Variants in MSRB3 observed in about 807,000 individuals in gnomAD.
MSRB3 encodes the protein methionine sulfoxide reductase B3, also known as methionine-R-sulfoxide reductase B3.
MSRB3 carries 13 observed loss-of-function variants against 21.0 expected under a neutral mutation model. The ratio of observed to expected loss-of-function variants is 0.62; its 90% CI spans 0.40 to 0.98. The LOEUF (loss-of-function observed/expected upper bound fraction) is 0.98, where lower values mean the gene tolerates loss of function less well. Ranked by LOEUF, MSRB3 falls within the 50% of genes least tolerant of loss-of-function variation. MSRB3 has a pLI of 0.00. For synonymous variants in MSRB3, 87 were observed against 88.6 expected, an observed-to-expected ratio of 0.98 and a Z score of 0.10; for missense variants, 199 against 230.3, an observed-to-expected ratio of 0.86 and a Z score of 0.88.
At chr12:65,318,252 G>A (rs1592519193) in intron 2 of MSRB3, among the ~76,000 whole-genome samples, 1 of 152,202 alleles carries the variant, frequency 6.6e-6, no homozygotes. Context: ...TTGGAAATTT[G>A]CAAAGCTGAG....
chr12:65,425,746 C>G (rs1473188738), intron 5 of MSRB3, among the ~76,000 whole-genome samples: 1 of 151,880 alleles, frequency 6.6e-6, no homozygotes, highest in African/African-American at 2.4e-5. Flanking sequence ...ATAGTTTTGT[C>G]TTTTAACTTT....
chr12:65,446,501 T>C (rs1035605470), intron 5 of MSRB3, among the ~76,000 whole-genome samples: 3 of 152,128 alleles, frequency 2.0e-5, no homozygotes, highest in Non-Finnish European at 2.9e-5. Flanking sequence ...AAATATTAGA[T>C]GAAGAGACTA....
intron 6 of MSRB3, among the ~76,000 whole-genome samples, chr12:65,454,470 G>A (rs1426956126): frequency 1.3e-5 from 2 of 152,106 alleles, no homozygotes; most frequent in Non-Finnish European, 2.9e-5. Flanking sequence ...TGAATAACCT[G>A]ATATTTTGAT....
At position 65,295,019 on chromosome 12, in the gene MSRB3, A is replaced by G. The variant is rs865813657; in HGVS notation, c.-51-13510A>G. On this transcript the variant is annotated intron_variant, in intron 1 of 6. Coordinates refer to ENST00000308259, the MANE Select transcript of MSRB3 (RefSeq NM_001031679.3). ...CTTTTTTAAAAAAATTATGTGCAGAAGAGATGGCACTATGTTGCCCAGACT... is the reference window on the plus strand; with the variant it reads ...CTTTTTTAAAAAAATTATGTGCAGAGGAGATGGCACTATGTTGCCCAGACT... Among the ~76,000 whole-genome samples the G allele has an allele frequency of 8.5e-5, 13 of 152,214 alleles. No homozygotes were observed. The South Asian group carries it at 2.7e-3, about 32-fold the overall frequency.
intron 5 of MSRB3, among the ~76,000 whole-genome samples, chr12:65,369,241 C>T (rs533183150): frequency 1.3e-5 from 2 of 152,238 alleles, no homozygotes; most frequent in African/African-American, 4.8e-5. Context: ...ATAAGCATTA[C>T]ATGACCTATA....
intron 5 of MSRB3, among the ~76,000 whole-genome samples, chr12:65,379,906 A>G (rs960338866): frequency 6.6e-6 from 1 of 152,230 alleles, no homozygotes; most frequent in Non-Finnish European, 1.5e-5. Flanking sequence ...ATGTGCATGT[A>G]GAGCACTTAC....
intron 2 of MSRB3, among the ~76,000 whole-genome samples, chr12:65,310,968 T>G (rs1199117350): frequency 6.6e-6 from 1 of 152,226 alleles, no homozygotes; most frequent in Non-Finnish European, 1.5e-5. Flanking sequence ...GTGGCTGGCA[T>G]TTAGTAAACA....
In MSRB3 at chr12:65,466,543, C is replaced by G. The variant is rs1883582506; in HGVS notation, c.*3221C>G. 6.6e-6 allele frequency: 1 copy of G among 152,152 alleles called. No homozygotes were observed. 9.4% of individuals were successfully genotyped at this position (152,152 alleles called of 1,614,324 possible). On this transcript the variant is annotated 3_prime_UTR_variant, in exon 7 of 7. Coordinates refer to ENST00000308259, the MANE Select transcript of MSRB3 (RefSeq NM_001031679.3). Reference sequence around the variant, plus strand: ...TTCTGTTGGTGTGCAAAAAGTATAGCCTTACATTCAAGCAGAATGGATCTG... The same window carrying G: ...TTCTGTTGGTGTGCAAAAAGTATAGGCTTACATTCAAGCAGAATGGATCTG...
intron 5 of MSRB3, among the ~76,000 whole-genome samples, chr12:65,376,640 T>A (rs1351450693): frequency 6.8e-6 from 1 of 147,002 alleles, no homozygotes; most frequent in East Asian, 2.0e-4. Context: ...TGAGAACACA[T>A]GGACACAGGG....
chr12:65,287,353 C>A (rs960429747), intron 1 of MSRB3, among the ~76,000 whole-genome samples: 1 of 152,076 alleles, frequency 6.6e-6, no homozygotes, highest in Non-Finnish European at 1.5e-5. Flanking sequence ...GTCTTGAACT[C>A]CTGGACTTAA....
chr12:65,463,067 G>A, intron 6 of MSRB3, 88 bp from the exon 7 acceptor site: 2 of 1,448,144 alleles, frequency 1.4e-6, no homozygotes, highest in African/African-American at 2.8e-5. Flanking sequence ...TCTACAGGCT[G>A]GTCATCCATT....
At chr12:65,288,235 G>A (rs978509600) in intron 1 of MSRB3, among the ~76,000 whole-genome samples, 16 of 151,314 alleles carry the variant, frequency 1.1e-4, no homozygotes, top group African/African-American at 2.9e-4. Context: ...CCCGGGAGGC[G>A]GAGGTTCCAG....
chr12:65,381,606 T>C lies in MSRB3; in HGVS notation c.292+12580T>C, dbSNP rs1014048785. On this transcript the variant is annotated intron_variant, in intron 5 of 6. Transcript: ENST00000308259. ...TAGTAAAAATCCTTTAAAATGATAA[T>C]GACTTTTTAGTTCTTATGTCTTGAT... 3.4e-4 allele frequency among the ~76,000 whole-genome samples: 52 copies of C among 152,256 alleles called. 1 individual carries two copies. Among genetic ancestry groups the C allele is most frequent in the Admixed American group, 2.3e-3 (35 of 15,296 alleles).
At chr12:65,355,483 T>C (rs947847413) in intron 4 of MSRB3, among the ~76,000 whole-genome samples, 5 of 151,870 alleles carry the variant, frequency 3.3e-5, no homozygotes, top group Non-Finnish European at 7.4e-5. Flanking sequence ...GCTGTTTATA[T>C]TTCATCTTCA....
At chr12:65,328,450 A>G in intron 3 of MSRB3, 76 bp from the exon 4 acceptor site, 1 of 1,043,854 alleles carries the variant, frequency 9.6e-7, no homozygotes, top group South Asian at 1.3e-5. Context: ...TTATTAGAGA[A>G]ATATATTTTA....
At chr12:65,426,784 T>A (rs1222695792) in intron 5 of MSRB3, among the ~76,000 whole-genome samples, 2 of 152,154 alleles carry the variant, frequency 1.3e-5, no homozygotes, top group Non-Finnish European at 2.9e-5. Context: ...ATAACTTGTC[T>A]TTGAGTTCAT....
rs1555209340 is a variant in MSRB3, at chr12:65,396,704, A to AGAAAGAAAGAAAGAAAAGAAAG, written c.292+27678_292+27679insGAAAGAAAGAAAGAAAAGAAAG. ...GAAACTCCATCTCAAAAAAAAAAAA[A>AGAAAGAAAGAAAGAAAAGAAAG]AAAGAAAGAAAGAAAGAAAGAAAGA... On this transcript the variant is annotated intron_variant, in intron 5 of 6. Transcript: ENST00000308259. Among the ~76,000 whole-genome samples, 206 of 54,154 alleles carry AGAAAGAAAGAAAGAAAAGAAAG rather than the reference A, an allele frequency of 3.8e-3. 6 individuals carry two copies. Among genetic ancestry groups the AGAAAGAAAGAAAGAAAAGAAAG allele is most frequent in the African/African-American group, 0.012 (180 of 14,946 alleles). 35.5% of individuals were successfully genotyped at this position (54,154 alleles called of 152,430 possible). A position where few individuals can be genotyped will look rare whatever the true frequency, so the allele number is the denominator to read the frequency against.
At chr12:65,298,730 A>G (rs1320948064) in intron 1 of MSRB3, among the ~76,000 whole-genome samples, 5 of 152,188 alleles carry the variant, frequency 3.3e-5, no homozygotes, top group Non-Finnish European at 7.3e-5. Flanking sequence ...AAATTCAGAT[A>G]CAAGAGCAGA....
At chr12:65,395,589 T>A (rs1328064530) in intron 5 of MSRB3, among the ~76,000 whole-genome samples, 1 of 152,230 alleles carries the variant, frequency 6.6e-6, no homozygotes, top group African/African-American at 2.4e-5. Flanking sequence ...ATATGTATCA[T>A]TAATTTCTTA....
Sources: gnomAD v4.1 joint callset for allele counts (sites outside exome capture counted in the v4.1 genomes callset) on GRCh38, gnomAD v4.1.1 for gene constraint, MANE v1.5 for transcripts, NCBI Gene and HGNC (gene_info 2026-07-23, HGNC 2026-07-21) for gene names.